The following SCN1A variants were observed in gnomAD, a reference collection of about 807,000 sequenced individuals.
The protein encoded by SCN1A is sodium channel protein type 1 subunit alpha.
Under a neutral mutation model 193.7 loss-of-function variants are expected in SCN1A, and 13 were observed. That is an observed-to-expected ratio of 0.07 (90% CI 0.04 to 0.11). SCN1A has a LOEUF of 0.11. Ranked by LOEUF, SCN1A falls within the 10% of genes least tolerant of loss-of-function variation. SCN1A has a pLI of 1.00. For missense variants in SCN1A, 1,432 were observed against 2,451.1 expected (o/e 0.58, Z 8.78); for synonymous variants, 781 against 843.6 (o/e 0.93, Z 1.29).
chr2:166,095,527 C>T (rs1438966931), intron 2 of SCN1A, among the ~76,000 whole-genome samples: 1 of 152,106 alleles, frequency 6.6e-6, no homozygotes, highest in Admixed American at 6.5e-5. Flanking sequence ...ATAAAAATAT[C>T]CCATGATCCC....
At chr2:166,146,554 G>A (rs938779126) in intron 1 of SCN1A, among the ~76,000 whole-genome samples, 1 of 152,170 alleles carries the variant, frequency 6.6e-6, no homozygotes, top group African/African-American at 2.4e-5. Flanking sequence ...TTTGTGGGTA[G>A]AGGCAAGGAC....
upstream of SCN1A, among the ~76,000 whole-genome samples, chr2:166,130,769 C>A (rs190673826): frequency 1.3e-5 from 2 of 152,284 alleles, no homozygotes; most frequent in African/African-American, 2.4e-5. Flanking sequence ...TCATTCTGTA[C>A]ACAGATACTT....
rs546576024 is a variant in SCN1A, at chr2:166,093,378, G to A, written c.-141-15577C>T. On this transcript the variant is annotated intron_variant, in intron 2 of 28. Transcript: ENST00000674923. ...CTTTGAGATGGAGTCTCACTCTGTC[G>A]CCCAGGCTGGAGTGCAGTGGCGTGA... Among the ~76,000 whole-genome samples, 18 of 150,906 alleles carry A rather than the reference G, an allele frequency of 1.2e-4. No individual in the cohort carries two copies. The South Asian group carries it at 2.1e-3, about 18-fold the overall frequency.
intron 19 of SCN1A, among the ~76,000 whole-genome samples, chr2:166,031,202 C>T (rs1695508360): frequency 6.6e-6 from 1 of 151,972 alleles, no homozygotes; most frequent in African/African-American, 2.4e-5. Context: ...AAAAAACAGC[C>T]CTTAGTTTGC....
At chr2:166,134,401 T>C (rs1008861574) in intron 1 of SCN1A, among the ~76,000 whole-genome samples, 2 of 152,142 alleles carry the variant, frequency 1.3e-5, no homozygotes, top group African/African-American at 4.8e-5. Flanking sequence ...TATGCCACAA[T>C]TGATTTTCAC....
At chr2:166,085,370 C>G (rs1685997852) in intron 2 of SCN1A, among the ~76,000 whole-genome samples, 1 of 152,190 alleles carries the variant, frequency 6.6e-6, no homozygotes, top group African/African-American at 2.4e-5. Flanking sequence ...TGAGCTGCTG[C>G]AGCCAGAAGG....
intron 12 of SCN1A, among the ~76,000 whole-genome samples, chr2:166,046,386 G>A (rs916801055): frequency 6.6e-6 from 1 of 152,074 alleles, no homozygotes; most frequent in Admixed American, 6.6e-5. Flanking sequence ...AAGAAAAAAG[G>A]AGACTATGTT....
At chr2:166,068,697 A>G (rs1684099995) in intron 4 of SCN1A, among the ~76,000 whole-genome samples, 1 of 152,220 alleles carries the variant, frequency 6.6e-6, no homozygotes, top group African/African-American at 2.4e-5. Flanking sequence ...TTGAAATCAC[A>G]AATTCATATA....
At chr2:165,994,477 A>G (rs976407791) in intron 27 of SCN1A, 61 bp from the exon 28 acceptor site, 23 of 1,495,836 alleles carry the variant, frequency 1.5e-5, no homozygotes, top group Admixed American at 5.1e-5. Context: ...ATTAGCATTA[A>G]GTACTTTCTG....
At chr2:166,011,568 A>G (rs1460318015) in intron 22 of SCN1A, among the ~76,000 whole-genome samples, 1 of 151,188 alleles carries the variant, frequency 6.6e-6, no homozygotes, top group East Asian at 1.9e-4. Context: ...TGAAGTCATA[A>G]TCCATATAAT....
intron 16 of SCN1A, 114 bp from the exon 17 acceptor site, chr2:166,039,710 C>A (rs925434545): frequency 1.9e-5 from 18 of 934,570 alleles, no homozygotes; most frequent in Non-Finnish European, 2.7e-5. Flanking sequence ...CTATTACTAA[C>A]TTAAATTTGT....
At chr2:166,112,094 A>T (rs189939130) in intron 2 of SCN1A, among the ~76,000 whole-genome samples, 226 of 152,302 alleles carry the variant, frequency 1.5e-3, no homozygotes, top group Non-Finnish European at 2.4e-3. Flanking sequence ...GAAAGCATTG[A>T]CTCCAATTTT....
intron 6 of SCN1A, among the ~76,000 whole-genome samples, chr2:166,055,958 A>G (rs1699086164): frequency 6.6e-6 from 1 of 152,070 alleles, no homozygotes; most frequent in South Asian, 2.1e-4. Context: ...GCTTGGAACT[A>G]TATTGGCCTG....
chr2:166,094,340 G>T (rs1292289575), intron 2 of SCN1A, among the ~76,000 whole-genome samples: 1 of 152,144 alleles, frequency 6.6e-6, no homozygotes, highest in Non-Finnish European at 1.5e-5. Flanking sequence ...CCTTTTAAAT[G>T]ATCAATTTAG....
intron 19 of SCN1A, among the ~76,000 whole-genome samples, chr2:166,023,090 T>A (rs917884774): frequency 1.3e-5 from 2 of 152,240 alleles, no homozygotes; most frequent in African/African-American, 4.8e-5. Context: ...TATGAATATT[T>A]TATAGCTATA....
intron 2 of SCN1A, among the ~76,000 whole-genome samples, chr2:166,112,122 G>T (rs1477698562): frequency 1.3e-5 from 2 of 152,170 alleles, no homozygotes; most frequent in Non-Finnish European, 2.9e-5. Context: ...GTTATACTGT[G>T]GGTAAAATGC....
chr2:166,147,124 G>T (rs1306771464), intron 1 of SCN1A, among the ~76,000 whole-genome samples: 2 of 152,126 alleles, frequency 1.3e-5, no homozygotes, highest in Non-Finnish European at 2.9e-5. Flanking sequence ...CATGAGGCCC[G>T]AAAACATGCA....
At chr2:166,068,469 A>G (rs1684072070) in intron 4 of SCN1A, among the ~76,000 whole-genome samples, 2 of 152,168 alleles carry the variant, frequency 1.3e-5, no homozygotes, top group Non-Finnish European at 2.9e-5. Context: ...TTTTAGTTTT[A>G]CAGGAGCTGA....
intron 2 of SCN1A, among the ~76,000 whole-genome samples, chr2:166,101,159 C>T (rs1168140302): frequency 1.3e-5 from 2 of 150,068 alleles, no homozygotes; most frequent in African/African-American, 2.5e-5. Flanking sequence ...CACATATACA[C>T]TATGGAATAC....
Sources: allele counts gnomAD v4.1 joint callset (sites outside exome capture counted in the v4.1 genomes callset), GRCh38; gene constraint gnomAD v4.1.1; transcripts MANE v1.5; gene names NCBI Gene and HGNC (gene_info 2026-07-23, HGNC 2026-07-21).